The following EPHA6 variants were observed in gnomAD, a reference collection of about 807,000 sequenced individuals.
EPHA6 encodes the protein EPH receptor A6, also known as ephrin type-A receptor 6.
Under a neutral mutation model 112.0 loss-of-function variants are expected in EPHA6, and 50 were observed. That is an observed-to-expected ratio of 0.45 (90% CI 0.36 to 0.56). EPHA6 has a LOEUF of 0.56. Ranked by LOEUF, EPHA6 falls within the 20% of genes least tolerant of loss-of-function variation. The pLI is 0.00. For missense variants in EPHA6, 1,280 were observed against 1,417.4 expected, an observed-to-expected ratio of 0.90 and a Z score of 1.56; for synonymous variants, 529 against 490.7, an observed-to-expected ratio of 1.08 and a Z score of -1.03.
At chr3:97,037,212 T>C (rs934814689) in intron 3 of EPHA6, among the ~76,000 whole-genome samples, 3 of 152,044 alleles carry the variant, frequency 2.0e-5, no homozygotes, top group Non-Finnish European at 4.4e-5. Flanking sequence ...TTAAGGACCT[T>C]ATATTTCAAC....
At chr3:96,895,582 A>G (rs2038223687) in intron 2 of EPHA6, among the ~76,000 whole-genome samples, 3 of 152,186 alleles carry the variant, frequency 2.0e-5, no homozygotes. Flanking sequence ...CACTCAGAGC[A>G]ACTTGCAGCT....
At chr3:97,332,644 T>C (rs1175724673) in intron 5 of EPHA6, among the ~76,000 whole-genome samples, 1 of 152,160 alleles carries the variant, frequency 6.6e-6, no homozygotes, top group Non-Finnish European at 1.5e-5. Context: ...TGAATTGATA[T>C]TAGGTTTGAG....
intron 14 of EPHA6, among the ~76,000 whole-genome samples, chr3:97,708,843 G>T (rs556353780): frequency 6.6e-6 from 1 of 152,360 alleles, no homozygotes; most frequent in East Asian, 1.9e-4. Context: ...TGCTTCAGAG[G>T]GTGCAAGCGT....
chr3:97,013,106 C>G (rs958836707), intron 3 of EPHA6, among the ~76,000 whole-genome samples: 1 of 152,092 alleles, frequency 6.6e-6, no homozygotes, highest in African/African-American at 2.4e-5. Context: ...CTTAATTAGG[C>G]CTCACTTGTC....
intron 2 of EPHA6, among the ~76,000 whole-genome samples, chr3:96,896,194 A>G (rs2038261531): frequency 6.6e-6 from 1 of 152,078 alleles, no homozygotes; most frequent in South Asian, 2.1e-4. Flanking sequence ...TATTCTTCTC[A>G]TCAATGAGGT....
intron 16 of EPHA6, among the ~76,000 whole-genome samples, chr3:97,736,468 AGAGTGT>A (rs1214975215): frequency 0.01 from 1,120 of 109,472 alleles, 5 homozygotes; most frequent in Non-Finnish European, 0.014. Context: ...AGAGAGAGAG[AGAGTGT>A]GTGTGTGTGT....
chr3:97,175,777 G>A (rs993117911), intron 3 of EPHA6, among the ~76,000 whole-genome samples: 4 of 151,624 alleles, frequency 2.6e-5, no homozygotes, highest in African/African-American at 9.7e-5. Context: ...ACTTCTAATA[G>A]TTTTCTTGTG....
At chr3:97,202,207 C>T (rs940816352) in intron 3 of EPHA6, among the ~76,000 whole-genome samples, 1 of 151,952 alleles carries the variant, frequency 6.6e-6, no homozygotes, top group South Asian at 2.1e-4. Context: ...GGTAGGCTCT[C>T]TTTCTGTGAA....
intron 15 of EPHA6, among the ~76,000 whole-genome samples, chr3:97,732,174 C>A (rs377277842): frequency 2.6e-5 from 4 of 151,602 alleles, no homozygotes; most frequent in African/African-American, 9.7e-5. Context: ...TTTTACGTAA[C>A]CTCCCAACCT....
At chr3:96,968,040 C>T (rs1434179500) in intron 2 of EPHA6, among the ~76,000 whole-genome samples, 1 of 151,540 alleles carries the variant, frequency 6.6e-6, no homozygotes, top group Non-Finnish European at 1.5e-5. Context: ...TTTTTCTCTT[C>T]TCTTTATGAC....
chr3:97,080,404 T>C (rs1230787703), intron 3 of EPHA6, among the ~76,000 whole-genome samples: 1 of 152,098 alleles, frequency 6.6e-6, no homozygotes, highest in Non-Finnish European at 1.5e-5. Context: ...AAATAAGTAG[T>C]TTTTCTCATC....
chr3:97,720,576 T>C (rs1428750786), intron 15 of EPHA6, among the ~76,000 whole-genome samples, 166 bp downstream of exon 15: 1 of 152,230 alleles, frequency 6.6e-6, no homozygotes, highest in African/African-American at 2.4e-5. Flanking sequence ...CTCTGAGCTG[T>C]ATTTGATGTC....
intron 3 of EPHA6, among the ~76,000 whole-genome samples, chr3:97,007,262 A>G (rs1195554821): frequency 2.0e-5 from 3 of 152,050 alleles, no homozygotes; most frequent in Non-Finnish European, 4.4e-5. Flanking sequence ...GTGTCTAAGA[A>G]CTTGTCTTAT....
chr3:96,864,533 G>A (rs2036195231), intron 1 of EPHA6, among the ~76,000 whole-genome samples: 1 of 152,050 alleles, frequency 6.6e-6, no homozygotes, highest in African/African-American at 2.4e-5. Context: ...GGTTACCAGA[G>A]GATGGGGTAG....
At chr3:97,037,096 A>C (rs1576367371) in intron 3 of EPHA6, among the ~76,000 whole-genome samples, 1 of 152,204 alleles carries the variant, frequency 6.6e-6, no homozygotes, top group Non-Finnish European at 1.5e-5. Context: ...TATTTGAACA[A>C]ACTAGATGGT....
rs544974794 is a variant in EPHA6, at chr3:97,442,450, G to A, written c.1732-6118G>A. Among the ~76,000 whole-genome samples the A allele has an allele frequency of 2.0e-5, 3 of 152,202 alleles. No homozygotes were observed. In the East Asian group the frequency reaches 5.8e-4, roughly 29 times the overall value. On this transcript the variant is annotated intron_variant, in intron 6 of 17. Transcript: ENST00000389672. ...AAAATACAAAAATTAGCCAAGTGTG[G>A]TGGCACGTGCCTGTAGTCACAGCTA...
intron 11 of EPHA6, among the ~76,000 whole-genome samples, chr3:97,551,141 A>G (rs2093023140): frequency 6.6e-6 from 1 of 152,152 alleles, no homozygotes; most frequent in Non-Finnish European, 1.5e-5. Context: ...TTATTTAGGT[A>G]CATGCCTTTC....
rs61089323 is a variant in EPHA6 at position 97,364,344 on chromosome 3, GT to G, written c.1607-40791del. ...CCCAAACCAATTTTTTGGAGTTTTAGTTTTTTTTTTTTTTTACATTTGACAT... is the reference window on the plus strand; with the variant it reads ...CCCAAACCAATTTTTTGGAGTTTTAGTTTTTTTTTTTTTTACATTTGACAT... On this transcript the variant is annotated intron_variant, in intron 5 of 17. Transcript: ENST00000389672. Among the ~76,000 whole-genome samples, 501 of 136,266 alleles carry G rather than the reference GT, an allele frequency of 3.7e-3. 3 individuals are homozygous for G. Among genetic ancestry groups the G allele is most frequent in the Non-Finnish European group, 2.2e-3 (139 of 62,072 alleles). The allele number at this position is 136,266 out of a possible 152,430, so 89.4% of individuals were successfully genotyped here. A position where few individuals can be genotyped will look rare whatever the true frequency, so the allele number is the denominator to read the frequency against.
intron 3 of EPHA6, among the ~76,000 whole-genome samples, chr3:97,160,477 A>G (rs2076389097): frequency 6.6e-6 from 1 of 151,694 alleles, no homozygotes; most frequent in Non-Finnish European, 1.5e-5. Flanking sequence ...ACAGGGTTTC[A>G]TCATGTTGGC....
Sources: allele counts gnomAD v4.1 joint callset (sites outside exome capture counted in the v4.1 genomes callset), GRCh38; gene constraint gnomAD v4.1.1; transcripts MANE v1.5; gene names NCBI Gene and HGNC (gene_info 2026-07-23, HGNC 2026-07-21).